The following EVC variants were observed in gnomAD, a reference collection of about 807,000 sequenced individuals.
EVC encodes evC complex member EVC.
EVC carries 116 observed loss-of-function variants against 118.9 expected under a neutral mutation model. That is an observed-to-expected ratio of 0.98 (90% CI 0.84 to 1.14). The LOEUF (loss-of-function observed/expected upper bound fraction) is 1.14. Ranked by LOEUF, EVC falls within the 50% of genes most tolerant of loss-of-function variation. The probability of loss-of-function intolerance (pLI) is 0.00; values close to 1 mark genes in which losing one functional copy is unlikely to be tolerated. For synonymous variants in EVC, 619 were observed against 534.7 expected (o/e 1.16, Z -2.18); for missense variants, 1,401 against 1,246.4 (o/e 1.12, Z -1.87).
At chr4:5,766,176 T>G (rs1378139957) in intron 11 of EVC, among the ~76,000 whole-genome samples, 6 of 150,802 alleles carry the variant, frequency 4.0e-5, no homozygotes, top group African/African-American at 1.5e-4. Context: ...ATAGTTTGGC[T>G]GGATATGAAA....
intron 11 of EVC, among the ~76,000 whole-genome samples, chr4:5,767,401 G>A (rs1166234611): frequency 6.8e-6 from 1 of 147,040 alleles, no homozygotes; most frequent in African/African-American, 2.5e-5. Context: ...AGGCAGGCAG[G>A]CCTCCTTGAG....
In EVC at chr4:5,737,804, A is replaced by C. The variant is rs1727931532; in HGVS notation, c.703-3912A>C. ...CCGAGAGCTCTGATGAAGATGTACA[A>C]GGAAGTTAATGTCATTTTCATGCCT... is the stretch of plus-strand genomic sequence containing the variant. On this transcript the variant is annotated intron_variant, in intron 5 of 20. Transcript: ENST00000264956. The surrounding 1 kb of genome is among the most constrained non-coding windows in gnomAD (Gnocchi z 5.0). 6.6e-6 allele frequency among the ~76,000 whole-genome samples: 1 copy of C among 152,378 alleles called. No homozygotes were observed. The highest frequency in any genetic ancestry group is 2.4e-5 in the African/African-American group (1 of 41,594).
chr4:5,820,352 C>T, the EVC span, among the ~76,000 whole-genome samples: 1 of 152,200 alleles, frequency 6.6e-6, no homozygotes, highest in East Asian at 1.9e-4. Flanking sequence ...TTACTAACAA[C>T]AGCTAATGGA....
At chr4:5,825,636 G>A in the EVC span, 4 of 1,611,460 alleles carry the variant, frequency 2.5e-6, no homozygotes, top group African/African-American at 2.7e-5. The surrounding 1 kb of genome is among the most constrained non-coding windows in gnomAD (Gnocchi z 4.4). Context: ...ACATGCCCCT[G>A]GAAACCCCTT....
chr4:5,808,135 C>CAGCCCA, intron 17 of EVC, 66 bp from the exon 18 acceptor site: 1 of 515,902 alleles, frequency 1.9e-6, no homozygotes, highest in East Asian at 4.1e-5. Context: ...TTCCTTCTCC[C>CAGCCCA]TCCCTCCCTC....
In EVC at chr4:5,731,276, C is replaced by T; in HGVS notation, c.385-149C>T. The T allele has an allele frequency of 1.3e-6, 1 of 760,674 alleles. No individual in the cohort carries two copies. Among genetic ancestry groups the T allele is most frequent in the Non-Finnish European group, 2.4e-6 (1 of 421,708 alleles). 47.1% of individuals were successfully genotyped at this position (760,674 alleles called of 1,614,324 possible). A position where few individuals can be genotyped will look rare whatever the true frequency, so the allele number is the denominator to read the frequency against. On this transcript the variant is annotated intron_variant, in intron 3 of 20. Transcript: ENST00000264956. This position sits in a 1 kb window ranked among gnomAD's most constrained non-coding sequence, Gnocchi z 5.6. ...GATGTGGCAGAACCTGGGACGGAAA[C>T]TCTGTGGTGTCTGCTGGCACCCTGG...
At chr4:5,715,740 CTT>C (rs35287924) in intron 1 of EVC, among the ~76,000 whole-genome samples, 56 of 71,002 alleles carry the variant, frequency 7.9e-4, no homozygotes, top group African/African-American at 1.3e-3. Flanking sequence ...TTTCCATTGT[CTT>C]TTTTTTTTTT....
rs771418701 is a variant in EVC at position 5,755,592 on chromosome 4, C to T, written c.1465-672C>T. Among the ~76,000 whole-genome samples, 3 of 152,128 alleles carry T rather than the reference C, an allele frequency of 2.0e-5. No individual in the cohort carries two copies. The highest frequency in any genetic ancestry group is 2.1e-4 in the South Asian group (1 of 4,824). On this transcript the variant is annotated intron_variant, in intron 10 of 20. Transcript: ENST00000264956. This position sits in a 1 kb window ranked among gnomAD's most constrained non-coding sequence, Gnocchi z 4.1. ...TTACCTCCTGGTCTCTGCTGCTGCT[C>T]GCTGAGCCTGGCTCCCCATCTTCCC... is the stretch of plus-strand genomic sequence containing the variant.
chr4:5,740,255 G>C (rs896368702), intron 5 of EVC, among the ~76,000 whole-genome samples: 3 of 152,110 alleles, frequency 2.0e-5, no homozygotes, highest in African/African-American at 7.2e-5. Flanking sequence ...TGGATCACTT[G>C]AGGTCAGGAA....
At chr4:5,714,397 T>C (rs1331919658) in intron 1 of EVC, among the ~76,000 whole-genome samples, 1 of 152,200 alleles carries the variant, frequency 6.6e-6, no homozygotes, top group East Asian at 1.9e-4. Flanking sequence ...CCACCCATTT[T>C]CTACTTCTCA....
At chr4:5,758,207 G>A (rs1371610348) in intron 11 of EVC, 1 of 693,924 alleles carries the variant, frequency 1.4e-6, no homozygotes, top group African/African-American at 1.8e-5. Context: ...GCCCAGGAAG[G>A]GCCCCTCCCA....
At chr4:5,782,364 C>T in intron 11 of EVC, among the ~76,000 whole-genome samples, 1 of 150,676 alleles carries the variant, frequency 6.6e-6, no homozygotes, top group East Asian at 1.9e-4. Flanking sequence ...CGTGAGCCAC[C>T]ATGCGCAGCT....
chr4:5,760,404 A>T (rs1046588136), intron 11 of EVC, among the ~76,000 whole-genome samples: 2 of 152,014 alleles, frequency 1.3e-5, no homozygotes, highest in East Asian at 3.9e-4. Context: ...ACGTAACATC[A>T]GGAGAGGGTG....
chr4:5,714,805 T>A (rs1203955626), intron 1 of EVC, among the ~76,000 whole-genome samples: 2 of 152,144 alleles, frequency 1.3e-5, no homozygotes, highest in Non-Finnish European at 2.9e-5. Context: ...TGTTTTTTGT[T>A]TGTTTTTTGT....
At chr4:5,820,979 C>T in the EVC span, 3 of 152,392 alleles carry the variant, frequency 2.0e-5, no homozygotes, top group South Asian at 2.1e-4. Context: ...CATCAGCCCC[C>T]CATCGTCAGC....
chr4:5,797,534 G>C, intron 14 of EVC: 3 of 510,074 alleles, frequency 5.9e-6, no homozygotes, highest in Non-Finnish European at 1.1e-5. Context: ...TGTCCTCCAG[G>C]TCCTTCCTCT....
At position 5,749,875 on chromosome 4, in the gene EVC, T is replaced by C. The variant is rs1730084529; in HGVS notation, c.1098+1569T>C. On this transcript the variant is annotated intron_variant, in intron 8 of 20. Transcript: ENST00000264956. The surrounding 1 kb of genome is among the most constrained non-coding windows in gnomAD (Gnocchi z 4.4). Reference sequence around the variant, plus strand: ...ACACCACATGCCTCTCCCAATCCGCTCTGCTCCTCCAGGTGTGATCCACAG... The same window carrying C: ...ACACCACATGCCTCTCCCAATCCGCCCTGCTCCTCCAGGTGTGATCCACAG... Among the ~76,000 whole-genome samples the C allele has an allele frequency of 6.6e-6, 1 of 152,104 alleles. No individual in the cohort carries two copies. The highest frequency in any genetic ancestry group is 2.4e-5 in the African/African-American group (1 of 41,426).
At position 5,715,740 on chromosome 4, in the gene EVC, C is replaced by CCTTTTTTTTTTT. The variant is rs1553860016; in HGVS notation, c.175-3508_175-3507insCTTTTTTTTTTT. Among the ~76,000 whole-genome samples, 2 of 71,016 alleles carry CCTTTTTTTTTTT rather than the reference C, an allele frequency of 2.8e-5. 1 individual carries two copies. Among genetic ancestry groups the CCTTTTTTTTTTT allele is most frequent in the African/African-American group, 9.6e-5 (2 of 20,758 alleles). The allele number at this position is 71,016 out of a possible 152,430, so 46.6% of individuals were successfully genotyped here. The stretch of plus-strand genomic sequence containing the variant: ...AATTTCGAAGGCATTTTTCCATTGT[C>CCTTTTTTTTTTT]TTTTTTTTTTTTTTTTTTTTTGAGA... On this transcript the variant is annotated intron_variant, in intron 1 of 20. Transcript: ENST00000264956.
At chr4:5,787,849 G>T (rs1711995817) in intron 12 of EVC, among the ~76,000 whole-genome samples, 1 of 152,082 alleles carries the variant, frequency 6.6e-6, no homozygotes, top group Admixed American at 6.6e-5. Flanking sequence ...ACTCCGGGTG[G>T]TTTTCATCAT....
Sources: gnomAD v4.1 joint callset for allele counts (sites outside exome capture counted in the v4.1 genomes callset) on GRCh38, gnomAD v4.1.1 for gene constraint, Gnocchi (gnomAD v3.1) non-coding constraint, MANE v1.5 for transcripts, NCBI Gene and HGNC (gene_info 2026-07-23, HGNC 2026-07-21) for gene names.